CDC26: variants seen among roughly 807,000 people sequenced by gnomAD.
The protein encoded by CDC26 is cell division cycle 26.
CDC26 carries 2 observed loss-of-function variants against 8.0 expected under a neutral mutation model. The observed-to-expected ratio is 0.25, with a 90% CI of 0.10 to 0.79. The LOEUF (loss-of-function observed/expected upper bound fraction) is 0.79, where lower values mean the gene tolerates loss of function less well. Ranked by LOEUF, CDC26 falls within the 30% of genes least tolerant of loss-of-function variation. The pLI, the probability that CDC26 is intolerant of heterozygous loss-of-function variation, is 0.70. For missense variants in CDC26, 68 were observed against 106.0 expected, an observed-to-expected ratio of 0.64 and a Z score of 1.57; for synonymous variants, 19 against 34.9, an observed-to-expected ratio of 0.55 and a Z score of 1.60.
At chr9:113,273,085 T>C (rs776815145) in intron 2 of CDC26, among the ~76,000 whole-genome samples, 8 of 152,246 alleles carry the variant, frequency 5.3e-5, no homozygotes, top group Non-Finnish European at 1.0e-4. Flanking sequence ...TCTGTAAGAA[T>C]TTAAAATAGC....
intron 1 of CDC26, among the ~76,000 whole-genome samples, 191 bp from the exon 2 acceptor site, chr9:113,273,629 C>T (rs1273200228): frequency 6.6e-6 from 1 of 151,850 alleles, no homozygotes; most frequent in Non-Finnish European, 1.5e-5. Context: ...GAGAAGAATG[C>T]ACAAGGAGGC....
intron 1 of CDC26, among the ~76,000 whole-genome samples, chr9:113,274,453 T>C (rs926426262): frequency 6.6e-6 from 1 of 152,178 alleles, no homozygotes; most frequent in Non-Finnish European, 1.5e-5. Flanking sequence ...CATTATCTTC[T>C]ACCAGATTCC....
At position 113,275,554 on chromosome 9, in the gene CDC26, C is replaced by CGA. The variant is rs1425323226; in HGVS notation, c.-326_-325dup. 1 of 569,760 alleles carries CGA rather than the reference C, an allele frequency of 1.8e-6. No homozygotes were observed. The highest frequency in any genetic ancestry group is 3.2e-5 in the East Asian group (1 of 31,414). The allele number at this position is 569,760 out of a possible 1,614,324, so 35.3% of individuals were successfully genotyped here. On this transcript the variant is annotated 5_prime_UTR_variant, in exon 1 of 4. It removes the in-frame stop codon of an upstream open reading frame in the 5' UTR. Coordinates refer to ENST00000374206, the MANE Select transcript of CDC26 (RefSeq NM_139286.4). ...CTAGGAGGGATGCCCCTCAATGCCA[C>CGA]GACGCCATTTCCTACTACGACTTCC...
intron 1 of CDC26, among the ~76,000 whole-genome samples, chr9:113,274,509 G>T (rs1009927890): frequency 6.6e-6 from 1 of 152,036 alleles, no homozygotes; most frequent in African/African-American, 2.4e-5. Context: ...AAGAGGGAAA[G>T]AGAGGGATAG....
At chr9:113,267,571 CTAGGTT>C (rs1831882960) in intron 3 of CDC26, 132 bp from the exon 4 acceptor site, 4 of 1,227,724 alleles carry the variant, frequency 3.3e-6, no homozygotes, top group Non-Finnish European at 4.5e-6. Context: ...AACTGAAATC[CTAGGTT>C]TGGAGTACTT....
intron 3 of CDC26, among the ~76,000 whole-genome samples, chr9:113,270,325 T>C (rs1327758030): frequency 6.6e-6 from 1 of 152,226 alleles, no homozygotes; most frequent in African/African-American, 2.4e-5. Context: ...CTGAAGAATT[T>C]AAGTCTTATT....
chr9:113,267,469 C>A, intron 3 of CDC26, 30 bp from the exon 4 acceptor site: 1 of 1,579,740 alleles, frequency 6.3e-7, no homozygotes, highest in Non-Finnish European at 8.6e-7. Flanking sequence ...AGGATTAAGG[C>A]AACATTCTTT....
At chr9:113,273,600 C>A (rs1321984787) in intron 1 of CDC26, among the ~76,000 whole-genome samples, 162 bp from the exon 2 acceptor site, 1 of 152,038 alleles carries the variant, frequency 6.6e-6, no homozygotes, top group Non-Finnish European at 1.5e-5. Flanking sequence ...TCTTAGTTGA[C>A]TTCTGAAGGT....
At chr9:113,273,821 C>CAAAAA (rs149642304) in intron 1 of CDC26, among the ~76,000 whole-genome samples, 47 of 53,150 alleles carry the variant, frequency 8.8e-4, no homozygotes, top group South Asian at 1.8e-3. Flanking sequence ...GACCCCAACT[C>CAAAAA]AAAAAAAAAA....
At chr9:113,273,167 T>C (rs999347759) in intron 2 of CDC26, among the ~76,000 whole-genome samples, 162 bp downstream of exon 2, 1 of 152,210 alleles carries the variant, frequency 6.6e-6, no homozygotes, top group African/African-American at 2.4e-5. Context: ...TTCAAAGAAC[T>C]ACTCTAGCTA....
At chr9:113,271,411 G>A (rs1435720022) in intron 3 of CDC26, among the ~76,000 whole-genome samples, 4 of 152,098 alleles carry the variant, frequency 2.6e-5, no homozygotes, top group African/African-American at 9.7e-5. Flanking sequence ...TAGTCAGGTG[G>A]GCCCTAAACA....
chr9:113,268,792 G>T (rs574866613), intron 3 of CDC26, among the ~76,000 whole-genome samples: 5 of 151,868 alleles, frequency 3.3e-5, no homozygotes, highest in Non-Finnish European at 7.4e-5. Context: ...GTCTCTGTCT[G>T]TTGCCAGGCT....
chr9:113,269,234 A>T (rs954528336), intron 3 of CDC26, among the ~76,000 whole-genome samples: 9 of 119,322 alleles, frequency 7.5e-5, no homozygotes, highest in Admixed American at 1.5e-4. Flanking sequence ...CAATAAAAAT[A>T]AAAAAAAAAA....
chr9:113,269,670 G>A (rs937742963), intron 3 of CDC26, among the ~76,000 whole-genome samples: 1 of 152,160 alleles, frequency 6.6e-6, no homozygotes, highest in African/African-American at 2.4e-5. Context: ...CAGCATGCTA[G>A]CATTTTATGA....
At position 113,272,510 on chromosome 9, in the gene CDC26, T is replaced by C. The variant is rs747675582; in HGVS notation, c.-3A>G. On this transcript the variant is annotated 5_prime_UTR_variant, in exon 3 of 4. Transcript: ENST00000374206. ...CGTGTTGGTTTCCGTCTCAGCATAC[T>C]GAAGTCAACACTAAGGGCCAAACCC... 4 of 1,607,040 alleles carry C rather than the reference T, an allele frequency of 2.5e-6. No homozygotes were observed. Among genetic ancestry groups the C allele is most frequent in the Admixed American group, 3.3e-5 (2 of 60,010 alleles).
chr9:113,274,072 T>C (rs2118562792), intron 1 of CDC26, among the ~76,000 whole-genome samples: 1 of 152,340 alleles, frequency 6.6e-6, no homozygotes, highest in Admixed American at 6.5e-5. Flanking sequence ...AGCACCGTGC[T>C]GTTTTTCCAT....
chr9:113,274,517 T>C (rs897843405), intron 1 of CDC26, among the ~76,000 whole-genome samples: 1 of 151,578 alleles, frequency 6.6e-6, no homozygotes, highest in East Asian at 2.0e-4. Context: ...AAGAGAGGGA[T>C]AGGGATACCT....
rs1186886459 is a variant in CDC26 at position 113,273,845 on chromosome 9, A to AAAG, written c.-151-408_-151-407insCTT. ...TCAAAAAAAAAAAAAAAAAAAAAAAAAGGCTCAAGAGAGCATTCCACAGCC... is the reference window on the plus strand; with the variant it reads ...TCAAAAAAAAAAAAAAAAAAAAAAAAAAGAGGCTCAAGAGAGCATTCCACAGCC... On this transcript the variant is annotated intron_variant, in intron 1 of 3. Transcript: ENST00000374206. 2.0e-3 allele frequency among the ~76,000 whole-genome samples: 287 copies of AAAG among 143,556 alleles called. 4 individuals are homozygous for AAAG. The highest frequency in any genetic ancestry group is 7.1e-3 in the African/African-American group (266 of 37,496). The allele number at this position is 143,556 out of a possible 152,430, so 94.2% of individuals were successfully genotyped here.
chr9:113,275,479 A>T lies in CDC26; in HGVS notation c.-249T>A. ...GGACTACACTTCCCAGACTGCTTGG[A>T]GCCTCTCTCTCCGCAGAACCTCGTC... On this transcript the variant is annotated 5_prime_UTR_variant, in exon 1 of 4. Transcript: ENST00000374206. 2.1e-6 allele frequency: 1 copy of T among 481,176 alleles called. No individual in the cohort carries two copies. Among genetic ancestry groups the T allele is most frequent in the Non-Finnish European group, 3.7e-6 (1 of 267,654 alleles). 29.8% of individuals were successfully genotyped at this position (481,176 alleles called of 1,614,324 possible).
Sources: allele counts gnomAD v4.1 joint callset (sites outside exome capture counted in the v4.1 genomes callset), GRCh38; gene constraint gnomAD v4.1.1; transcripts MANE v1.5; gene names NCBI Gene and HGNC (gene_info 2026-07-23, HGNC 2026-07-21).